HERC1: variants seen among roughly 807,000 people sequenced by gnomAD.
HERC1 encodes HECT and RLD domain containing E3 ubiquitin protein ligase family member 1, also known as probable E3 ubiquitin-protein ligase HERC1.
A neutral mutation model predicts 554.3 loss-of-function variants in HERC1; 160 were observed. The observed-to-expected ratio is 0.29, with a 90% CI of 0.25 to 0.33. The LOEUF (loss-of-function observed/expected upper bound fraction) is 0.33. HERC1 is among the 10% of genes least tolerant of loss of function. The pLI is 1.00. For missense variants in HERC1, 4,919 were observed against 5,918.5 expected, an observed-to-expected ratio of 0.83 and a Z score of 5.54; for synonymous variants, 2,175 against 2,131.7, an observed-to-expected ratio of 1.02 and a Z score of -0.56.
intron 12 of HERC1, among the ~76,000 whole-genome samples, chr15:63,736,489 A>G (rs1206959676): frequency 1.3e-5 from 2 of 152,238 alleles, no homozygotes; most frequent in African/African-American, 4.8e-5. Context: ...AGTGACAGAC[A>G]TGAAATATTA....
intron 76 of HERC1, among the ~76,000 whole-genome samples, chr15:63,613,984 C>T (rs1395729994): frequency 1.3e-5 from 2 of 152,098 alleles, no homozygotes; most frequent in Non-Finnish European, 2.9e-5. Flanking sequence ...GAACACAAAA[C>T]AAAAGCTGTC....
At position 63,661,662 on chromosome 15, in the gene HERC1, G is replaced by GT; in HGVS notation, c.9170+90dup. On this transcript the variant is annotated intron_variant, in intron 45 of 77. Coordinates refer to ENST00000443617, the MANE Select transcript of HERC1 (RefSeq NM_003922.4). ...CACGGGATTTCAGGGAAGGTTAAAT[G>GT]TAACTCCTCACGTGAAAAATCTACA... 9 of 1,336,196 alleles carry GT rather than the reference G, an allele frequency of 6.7e-6. No homozygotes were observed. The South Asian group carries it at 1.2e-4, about 18-fold the overall frequency. 82.8% of individuals were successfully genotyped at this position (1,336,196 alleles called of 1,614,324 possible).
In HERC1 at chr15:63,686,494, G is replaced by T; in HGVS notation, c.6090C>A (p.Ile2030=). The change falls in exon 34 of 78, where the codon ATC becomes ATA. Residue 2030 remains isoleucine (I), a synonymous_variant. Coordinates refer to ENST00000443617, the MANE Select transcript of HERC1 (RefSeq NM_003922.4). Reference sequence around the variant, plus strand: ...TCTCCGGGTCAAAGGATACTTCTTGGATAGGAAGATTCTCATCTTCTTCTT... The same window carrying T: ...TCTCCGGGTCAAAGGATACTTCTTGTATAGGAAGATTCTCATCTTCTTCTT... ...ELEEEDENLP[I]QEVSFDPEKA... 6.2e-7 allele frequency: 1 copy of T among 1,613,642 alleles called. No individual in the cohort carries two copies. The highest frequency in any genetic ancestry group is 8.5e-7 in the Non-Finnish European group (1 of 1,179,764).
intron 2 of HERC1, among the ~76,000 whole-genome samples, chr15:63,766,699 CAG>C (rs2075789887): frequency 6.6e-6 from 1 of 152,190 alleles, no homozygotes; most frequent in African/African-American, 2.4e-5. Flanking sequence ...GTTTTTGAGA[CAG>C]AGCTTCACTC....
chr15:63,610,616 C>T (rs1326222468), intron 77 of HERC1, among the ~76,000 whole-genome samples: 1 of 152,208 alleles, frequency 6.6e-6, no homozygotes, highest in East Asian at 1.9e-4. Flanking sequence ...TATGGAAAGG[C>T]TCTTTTATAA....
intron 1 of HERC1, among the ~76,000 whole-genome samples, chr15:63,804,375 CAGG>C (rs1415334588): frequency 1.3e-5 from 2 of 152,124 alleles, no homozygotes; most frequent in Admixed American, 6.6e-5. Context: ...CACCTGAGGT[CAGG>C]AGTTCAAAAC....
chr15:63,630,417 T>C (rs149322499), intron 69 of HERC1, 49 bp downstream of exon 69: 10 of 1,564,344 alleles, frequency 6.4e-6, no homozygotes, highest in Admixed American at 3.6e-5. Flanking sequence ...TGAGGAACAC[T>C]GTGAGATTTC....
chr15:63,688,754 G>C (rs1218023781), intron 33 of HERC1, among the ~76,000 whole-genome samples: 2 of 152,134 alleles, frequency 1.3e-5, no homozygotes, highest in Non-Finnish European at 2.9e-5. Flanking sequence ...GGATTCACAA[G>C]ATATAAATCA....
chr15:63,643,975 G>A (rs1484347962), intron 57 of HERC1, among the ~76,000 whole-genome samples: 1 of 152,126 alleles, frequency 6.6e-6, no homozygotes, highest in East Asian at 1.9e-4. Context: ...GTTGGCTAAT[G>A]GTTCTGTCTG....
intron 25 of HERC1, among the ~76,000 whole-genome samples, chr15:63,704,610 C>T (rs1448767940): frequency 1.3e-5 from 2 of 151,900 alleles, no homozygotes; most frequent in Non-Finnish European, 2.9e-5. Flanking sequence ...TAAATCTGTT[C>T]CAAAAATTTA....
intron 34 of HERC1, among the ~76,000 whole-genome samples, chr15:63,686,155 T>C (rs1304636832): frequency 6.6e-6 from 1 of 152,212 alleles, no homozygotes; most frequent in Non-Finnish European, 1.5e-5. Context: ...ATTTTTGAGA[T>C]AACTTTAGAA....
intron 36 of HERC1, 36 bp from the exon 37 acceptor site, chr15:63,678,401 A>T (rs1555417591): frequency 6.6e-7 from 1 of 1,519,430 alleles, no homozygotes; most frequent in African/African-American, 1.4e-5. Context: ...AACACATGCT[A>T]TTAGTAGTTC....
chr15:63,628,746 G>T lies in HERC1; in HGVS notation c.13036C>A (p.Arg4346=). 6.2e-7 allele frequency: 1 copy of T among 1,613,992 alleles called. No individual in the cohort carries two copies. The highest frequency in any genetic ancestry group is 8.5e-7 in the Non-Finnish European group (1 of 1,179,892). The change falls in exon 70 of 78, where the codon CGG becomes AGG. Residue 4346 remains arginine, a synonymous_variant. Transcript: ENST00000443617. ...LVTGLQGKNV[R]QISAGRCHSA... ...TGGCAGCGGCCAGCCGAGATCTGCC[G>T]AACATTTTTCCCTTGCAGACCTGTT...
At chr15:63,618,403 T>C (rs1464306373) in intron 74 of HERC1, among the ~76,000 whole-genome samples, 1 of 152,148 alleles carries the variant, frequency 6.6e-6, no homozygotes, top group East Asian at 1.9e-4. Context: ...TTGGTTACTG[T>C]AGCCTTGGAG....
intron 31 of HERC1, among the ~76,000 whole-genome samples, chr15:63,690,908 C>T (rs755002094): frequency 3.1e-4 from 47 of 152,150 alleles, no homozygotes; most frequent in Non-Finnish European, 6.5e-4. Flanking sequence ...CTATGCTATG[C>T]TACACATTTC....
At chr15:63,729,172 T>C in intron 16 of HERC1, 64 bp downstream of exon 16, 1 of 1,436,332 alleles carries the variant, frequency 7.0e-7, no homozygotes, top group Non-Finnish European at 9.4e-7. Context: ...CTTAAGACTT[T>C]GGAAAGCCAA....
At chr15:63,732,602 T>C (rs1409861077) in intron 14 of HERC1, among the ~76,000 whole-genome samples, 1 of 152,246 alleles carries the variant, frequency 6.6e-6, no homozygotes, top group East Asian at 1.9e-4. Context: ...TCCAAGTACA[T>C]TGTTTCATTA....
At chr15:63,833,753 G>GCGCACACACACACACA (rs1340096449) in intron 1 of HERC1, 74 bp downstream of exon 1, 14 of 46,456 alleles carry the variant, frequency 3.0e-4, no homozygotes, top group African/African-American at 7.9e-4. Context: ...ACGCGCGCGC[G>GCGCACACACACACACA]CACACACACA....
intron 26 of HERC1, among the ~76,000 whole-genome samples, chr15:63,697,091 T>C (rs1478506280): frequency 2.0e-5 from 3 of 152,202 alleles, no homozygotes; most frequent in Non-Finnish European, 4.4e-5. Flanking sequence ...ACATTAACAT[T>C]GGTACAATAC....
Sources: allele counts gnomAD v4.1 joint callset (sites outside exome capture counted in the v4.1 genomes callset), GRCh38; gene constraint gnomAD v4.1.1; transcripts MANE v1.5; gene names NCBI Gene and HGNC (gene_info 2026-07-23, HGNC 2026-07-21).